Variants in MAPK12 observed in about 807,000 individuals in gnomAD.
MAPK12 encodes mitogen-activated protein kinase 12.
MAPK12 carries 49 observed loss-of-function variants against 49.1 expected under a neutral mutation model. The ratio of observed to expected loss-of-function variants is 1.00; its 90% CI spans 0.79 to 1.27. The LOEUF (loss-of-function observed/expected upper bound fraction) is 1.27, where lower values mean the gene tolerates loss of function less well. Ranked by LOEUF, MAPK12 falls within the 50% of genes most tolerant of loss-of-function variation. MAPK12 has a pLI of 0.00. For missense variants in MAPK12, 554 were observed against 502.4 expected (o/e 1.10, Z -0.98); for synonymous variants, 251 against 209.7 (o/e 1.20, Z -1.70).
intron 10 of MAPK12, 24 bp downstream of exon 10, chr22:50,255,429 G>A: frequency 6.2e-7 from 1 of 1,612,888 alleles, no homozygotes; most frequent in Non-Finnish European, 8.5e-7. Context: ...AGCACCCGGT[G>A]GCCCCCACAC....
chr22:50,255,155 C>G (rs111600690), intron 11 of MAPK12, 42 bp downstream of exon 11: 26 of 1,609,144 alleles, frequency 1.6e-5, no homozygotes, highest in South Asian at 4.4e-5. Context: ...CAGAGCCCCC[C>G]ACTTGGGTCC....
chr22:50,253,041 C>T lies in MAPK12; in HGVS notation c.*360G>A. 1 of 357,500 alleles carries T rather than the reference C, an allele frequency of 2.8e-6. No homozygotes were observed. Among genetic ancestry groups the T allele is most frequent in the Non-Finnish European group, 5.4e-6 (1 of 186,522 alleles). 22.1% of individuals were successfully genotyped at this position (357,500 alleles called of 1,614,324 possible). A position where few individuals can be genotyped will look rare whatever the true frequency, so the allele number is the denominator to read the frequency against. ...TCCCTGAGTTGGTGCCCTGCGCCCA[C>T]CCTCTGTCCTTCCTCTGCATGGCCC... On this transcript the variant is annotated 3_prime_UTR_variant, in exon 12 of 12. Coordinates refer to ENST00000215659, the MANE Select transcript of MAPK12 (RefSeq NM_002969.6).
intron 11 of MAPK12, chr22:50,254,712 C>G (rs1011851232): frequency 2.8e-6 from 3 of 1,068,854 alleles, no homozygotes; most frequent in Non-Finnish European, 3.4e-6. Flanking sequence ...AGCAGAGAGG[C>G]CTTAGGGACA....
At chr22:50,254,733 G>A (rs1390795036) in intron 11 of MAPK12, 3 of 1,078,466 alleles carry the variant, frequency 2.8e-6, no homozygotes, top group Non-Finnish European at 3.4e-6. Context: ...AGCGGACGTG[G>A]TGAGGGTGTC....
intron 7 of MAPK12, 41 bp from the exon 8 acceptor site, chr22:50,255,922 A>C (rs1285797214): frequency 1.3e-6 from 2 of 1,591,290 alleles, no homozygotes; most frequent in Admixed American, 3.4e-5. Context: ...GCAGGGGGAC[A>C]GGATGAGACG....
chr22:50,261,395 C>G lies in MAPK12; in HGVS notation c.115G>C (p.Gly39Arg), dbSNP rs2065212294. The G allele has an allele frequency of 1.7e-6, 2 of 1,203,412 alleles. No individual in the cohort carries two copies. 74.5% of individuals were successfully genotyped at this position (1,203,412 alleles called of 1,614,324 possible). ...CCGGCCCGCGCTCACCACACCGCGC[C>G]GTAGGCGCCCGAGCCCACGGGCTGC... The part of the protein sequence containing the change: ...DLQPVGSGAY[G>R]AVCSAVDGRT... Residue 39 changes from glycine (G) to arginine (R), a missense_variant, in exon 1 of 12, where the codon GGC becomes CGC. Transcript: ENST00000215659.
Position 50,256,968 on chromosome 22 carries a change from CG to C in MAPK12, c.427-5del, listed in dbSNP as rs752922316. The C allele has an allele frequency of 4.4e-6, 7 of 1,606,420 alleles. No individual in the cohort carries two copies. The highest frequency in any genetic ancestry group is 1.7e-5 in the Admixed American group (1 of 59,844). On this transcript the variant is annotated splice_polypyrimidine_tract_variant and splice_region_variant and intron_variant, in intron 4 of 11. Transcript: ENST00000215659. ...TGATGCCGGCAGCGTGGATATACTG[CG>C]GGGGGCAGAGGATTTGGCAGGCTTC...
intron 11 of MAPK12, chr22:50,254,647 G>A (rs897508947): frequency 1.1e-4 from 109 of 1,011,070 alleles, no homozygotes; most frequent in African/African-American, 7.1e-4. Context: ...GTGAGACTCC[G>A]TCTCAAAAAA....
At chr22:50,253,530 C>T (rs1207834005) in intron 11 of MAPK12, 50 bp from the exon 12 acceptor site, 1 of 922,246 alleles carries the variant, frequency 1.1e-6, no homozygotes, top group Non-Finnish European at 1.7e-6. Context: ...TCAGCCTTTG[C>T]CTTCCATCCT....
rs1396082578 is a variant in MAPK12, at chr22:50,261,588, C to T, written c.-79G>A. ...CCGGGGACGGGGCTCCCTCGGCGCG[C>T]GCCTCGGGCCGGCTCCGCGCCGCTC... On this transcript the variant is annotated 5_prime_UTR_variant, in exon 1 of 12. Coordinates refer to ENST00000215659, the MANE Select transcript of MAPK12 (RefSeq NM_002969.6). The T allele has an allele frequency of 3.0e-6, 3 of 1,014,944 alleles. No individual in the cohort carries two copies. Among genetic ancestry groups the T allele is most frequent in the Non-Finnish European group, 3.5e-6 (3 of 851,062 alleles). 62.9% of individuals were successfully genotyped at this position (1,014,944 alleles called of 1,614,324 possible). A position where few individuals can be genotyped will look rare whatever the true frequency, so the allele number is the denominator to read the frequency against.
chr22:50,257,998 C>G, intron 3 of MAPK12: 1 of 742,852 alleles, frequency 1.3e-6, no homozygotes, highest in Non-Finnish European at 2.5e-6. Context: ...TGGAGAGGGC[C>G]CAGGTGCCAG....
At position 50,255,182 on chromosome 22, in the gene MAPK12, G is replaced by A. The variant is rs1357960956; in HGVS notation, c.1024+15C>T. On this transcript the variant is annotated intron_variant, in intron 11 of 11. Coordinates refer to ENST00000215659, the MANE Select transcript of MAPK12 (RefSeq NM_002969.6). ...CTTGGGTCCACACAGGCCGTGCCAG[G>A]AGCCCCCCACTCACGCTTCCATTCA... 6.2e-7 allele frequency: 1 copy of A among 1,613,302 alleles called. No individual in the cohort carries two copies. Among genetic ancestry groups the A allele is most frequent in the African/African-American group, 1.3e-5 (1 of 74,992 alleles).
chr22:50,260,986 G>T, intron 2 of MAPK12, 181 bp downstream of exon 2: 3 of 647,436 alleles, frequency 4.6e-6, no homozygotes, highest in South Asian at 4.6e-5. Flanking sequence ...GGCCCTTGGG[G>T]GAGTCGTCTC....
At chr22:50,256,304 TG>T in intron 6 of MAPK12, 105 bp from the exon 7 acceptor site, 1 of 855,568 alleles carries the variant, frequency 1.2e-6, no homozygotes, top group Non-Finnish European at 1.8e-6. Flanking sequence ...GCTCCCAAGC[TG>T]GGGCCTCCTG....
At chr22:50,259,272 G>A (rs1323730323) in intron 2 of MAPK12, among the ~76,000 whole-genome samples, 5 of 152,090 alleles carry the variant, frequency 3.3e-5, no homozygotes. Flanking sequence ...CGGGGACTGT[G>A]GACATGAGAG....
chr22:50,255,062 G>T (rs758567508), intron 11 of MAPK12, 135 bp downstream of exon 11: 7 of 1,513,784 alleles, frequency 4.6e-6, no homozygotes, highest in Non-Finnish European at 6.2e-6. Context: ...GGTCCACACA[G>T]GCCCTACCCG....
At chr22:50,260,358 G>A (rs994875944) in intron 2 of MAPK12, among the ~76,000 whole-genome samples, 1 of 152,066 alleles carries the variant, frequency 6.6e-6, no homozygotes. Context: ...CGGGTGCCCA[G>A]ACCACCAGCC....
chr22:50,256,310 C>T, intron 6 of MAPK12, 111 bp from the exon 7 acceptor site: 1 of 831,198 alleles, frequency 1.2e-6, no homozygotes, highest in Non-Finnish European at 1.9e-6. Flanking sequence ...AAGCTGGGGC[C>T]TCCTGACAAC....
intron 2 of MAPK12, among the ~76,000 whole-genome samples, chr22:50,260,375 C>A (rs1171872342): frequency 6.6e-6 from 1 of 151,944 alleles, no homozygotes; most frequent in Non-Finnish European, 1.5e-5. Context: ...AGCCCTCAGG[C>A]TGGGCCCAGA....
Sources: gnomAD v4.1 joint callset for allele counts (sites outside exome capture counted in the v4.1 genomes callset) on GRCh38, gnomAD v4.1.1 for gene constraint, MANE v1.5 for transcripts, NCBI Gene and HGNC (gene_info 2026-07-23, HGNC 2026-07-21) for gene names.